The following GAB2 variants were observed in gnomAD, a reference collection of about 807,000 sequenced individuals.
GAB2 encodes the protein GRB2 associated binding protein 2, also known as GRB2-associated-binding protein 2.
Under a neutral mutation model 65.5 loss-of-function variants are expected in GAB2, and 26 were observed. That is an observed-to-expected ratio of 0.40 (90% CI 0.29 to 0.55). The LOEUF (loss-of-function observed/expected upper bound fraction) is 0.55. Ranked by LOEUF, GAB2 falls within the 20% of genes least tolerant of loss-of-function variation. The probability of loss-of-function intolerance (pLI) is 0.53; values close to 1 mark genes in which losing one functional copy is unlikely to be tolerated. For missense variants in GAB2, 884 were observed against 875.8 expected (o/e 1.01, Z -0.12); for synonymous variants, 321 against 329.6 (o/e 0.97, Z 0.28).
intron 1 of GAB2, among the ~76,000 whole-genome samples, chr11:78,327,391 C>T (rs1057297451): frequency 6.6e-6 from 1 of 152,106 alleles, no homozygotes; most frequent in Non-Finnish European, 1.5e-5. Flanking sequence ...AGAGATGTTT[C>T]ATATGAAAAT....
At chr11:78,300,855 C>T (rs980982734) in intron 1 of GAB2, among the ~76,000 whole-genome samples, 2 of 151,790 alleles carry the variant, frequency 1.3e-5, no homozygotes, top group Non-Finnish European at 1.5e-5. Context: ...CCACCATGCC[C>T]AGCTAATTTT....
intron 1 of GAB2, among the ~76,000 whole-genome samples, chr11:78,285,656 G>A (rs572589594): frequency 2.0e-5 from 3 of 152,126 alleles, no homozygotes; most frequent in Admixed American, 6.5e-5. Flanking sequence ...TAGTAGAGAC[G>A]GGGTTTCACC....
chr11:78,365,206 CAG>C (rs1348907653), intron 1 of GAB2, among the ~76,000 whole-genome samples: 1 of 152,148 alleles, frequency 6.6e-6, no homozygotes, highest in Admixed American at 6.6e-5. Flanking sequence ...CTCAGATAAG[CAG>C]AGGGACTTAA....
Position 78,226,499 on chromosome 11 carries a change from G to A in GAB2, c.1173C>T (p.Thr391=). The change falls in exon 4 of 10, where the codon ACC becomes ACT. Residue 391 remains threonine, a synonymous_variant. Transcript: ENST00000361507. ...SVAATIPRRN[T]LPAMDNSRLH... is the part of the protein sequence containing the mutation. ...GTCGGCTGTTGTCCATTGCAGGGAGGGTGTTGCGTCTGGGGATGGTGGCAG... is the reference window on the plus strand; with the variant it reads ...GTCGGCTGTTGTCCATTGCAGGGAGAGTGTTGCGTCTGGGGATGGTGGCAG... 6.2e-7 allele frequency: 1 copy of A among 1,613,876 alleles called. No homozygotes were observed. Among genetic ancestry groups the A allele is most frequent in the Non-Finnish European group, 8.5e-7 (1 of 1,179,868 alleles).
At chr11:78,411,780 C>T (rs1857132350) in intron 1 of GAB2, among the ~76,000 whole-genome samples, 1 of 151,784 alleles carries the variant, frequency 6.6e-6, no homozygotes, top group African/African-American at 2.4e-5. Flanking sequence ...GCCTGTAATC[C>T]CAGCACTTTG....
chr11:78,405,091 A>ATTTTTTTTTTTTTTT (rs1174366754), intron 1 of GAB2, among the ~76,000 whole-genome samples: 1 of 93,280 alleles, frequency 1.1e-5, no homozygotes. Flanking sequence ...AAAAACATGG[A>ATTTTTTTTTTTTTTT]TTTTTTTTTT....
intron 1 of GAB2, among the ~76,000 whole-genome samples, chr11:78,368,808 G>A (rs919216965): frequency 5.3e-5 from 8 of 152,024 alleles, no homozygotes; most frequent in South Asian, 2.1e-4. Context: ...CAGGCATGGC[G>A]GCTCATGCCT....
At chr11:78,409,392 C>A (rs914025114) in intron 1 of GAB2, among the ~76,000 whole-genome samples, 1 of 152,180 alleles carries the variant, frequency 6.6e-6, no homozygotes, top group African/African-American at 2.4e-5. Context: ...CGAGACCAGT[C>A]TGGCCAACAT....
At chr11:78,323,296 G>T (rs1038479707) in intron 1 of GAB2, among the ~76,000 whole-genome samples, 1 of 152,118 alleles carries the variant, frequency 6.6e-6, no homozygotes, top group Non-Finnish European at 1.5e-5. Flanking sequence ...GATCACCTGA[G>T]GTCAGGAGTT....
At chr11:78,382,772 TA>T (rs2134740435) in intron 1 of GAB2, among the ~76,000 whole-genome samples, 1 of 152,356 alleles carries the variant, frequency 6.6e-6, no homozygotes, top group Admixed American at 6.5e-5. Context: ...CCAATTTTAA[TA>T]AAGTCCCTGT....
intron 2 of GAB2, among the ~76,000 whole-genome samples, chr11:78,272,600 G>T (rs952053866): frequency 6.6e-6 from 1 of 152,158 alleles, no homozygotes; most frequent in African/African-American, 2.4e-5. Flanking sequence ...AGTTTTATAA[G>T]GGAAGCAGAA....
chr11:78,280,948 G>A, intron 1 of GAB2, 47 bp from the exon 2 acceptor site: 1 of 1,504,140 alleles, frequency 6.6e-7, no homozygotes, highest in Non-Finnish European at 9.2e-7. Flanking sequence ...GAAGTCATTA[G>A]TTATTTCAAA....
intron 1 of GAB2, among the ~76,000 whole-genome samples, chr11:78,351,471 T>C (rs1400584337): frequency 1.3e-5 from 2 of 152,200 alleles, no homozygotes; most frequent in Admixed American, 6.5e-5. Context: ...ATTCTCAGCC[T>C]GGGATTCATG....
At chr11:78,307,340 A>G (rs1251529291) in intron 1 of GAB2, among the ~76,000 whole-genome samples, 1 of 152,212 alleles carries the variant, frequency 6.6e-6, no homozygotes, top group African/African-American at 2.4e-5. Context: ...ATTTAAGGTA[A>G]GCCTGAAAAT....
At chr11:78,253,291 G>A (rs994807693) in intron 2 of GAB2, among the ~76,000 whole-genome samples, 2 of 152,182 alleles carry the variant, frequency 1.3e-5, no homozygotes, top group African/African-American at 2.4e-5. Context: ...ACCATGCCCA[G>A]TCAAAGCTCT....
chr11:78,216,409 A>T lies in GAB2; in HGVS notation c.*2863T>A, dbSNP rs1456055880. On this transcript the variant is annotated 3_prime_UTR_variant, in exon 10 of 10. Transcript: ENST00000361507. The stretch of plus-strand genomic sequence containing the variant: ...GCCAAAGGACCAGTTTTTTCAACTG[A>T]GTTGACTCCTTTGTTGGAGGAGGTA... 1 of 152,100 alleles carries T rather than the reference A, an allele frequency of 6.6e-6. No homozygotes were observed. Among genetic ancestry groups the T allele is most frequent in the East Asian group, 1.9e-4 (1 of 5,194 alleles). 9.4% of individuals were successfully genotyped at this position (152,100 alleles called of 1,614,324 possible).
At chr11:78,398,085 A>G (rs545211764) in intron 1 of GAB2, among the ~76,000 whole-genome samples, 9 of 151,370 alleles carry the variant, frequency 5.9e-5, no homozygotes, top group Non-Finnish European at 1.0e-4. Context: ...AAATTATATG[A>G]AAAGATCAAC....
chr11:78,257,337 C>T (rs73511311), intron 2 of GAB2, among the ~76,000 whole-genome samples: 5,081 of 152,250 alleles, frequency 0.033, 290 homozygotes, highest in African/African-American at 0.12. Flanking sequence ...TTTATCCCCA[C>T]CCTCAAGCCT....
intron 8 of GAB2, 94 bp from the exon 9 acceptor site, chr11:78,220,538 C>G: frequency 9.3e-7 from 1 of 1,077,816 alleles, no homozygotes; most frequent in Non-Finnish European, 1.3e-6. Context: ...CACTGTTTCC[C>G]TGAGCCCTAC....
Sources: gnomAD v4.1 joint callset for allele counts (sites outside exome capture counted in the v4.1 genomes callset) on GRCh38, gnomAD v4.1.1 for gene constraint, MANE v1.5 for transcripts, NCBI Gene and HGNC (gene_info 2026-07-23, HGNC 2026-07-21) for gene names.